PPP6R2: variants seen among roughly 807,000 people sequenced by gnomAD.
PPP6R2 encodes the protein protein phosphatase 6 regulatory subunit 2.
PPP6R2 carries 62 observed loss-of-function variants against 100.2 expected under a neutral mutation model. The ratio of observed to expected loss-of-function variants is 0.62; its 90% CI spans 0.50 to 0.76. The LOEUF (loss-of-function observed/expected upper bound fraction) is 0.76, where lower values mean the gene tolerates loss of function less well. PPP6R2 is among the 30% of genes least tolerant of loss of function. The pLI, the probability that PPP6R2 is intolerant of heterozygous loss-of-function variation, is 0.00. For synonymous variants in PPP6R2, 525 were observed against 514.7 expected (o/e 1.02, Z -0.27); for missense variants, 1,142 against 1,276.3 (o/e 0.89, Z 1.60).
intron 2 of PPP6R2, among the ~76,000 whole-genome samples, chr22:50,376,669 C>A (rs1420706231): frequency 1.3e-5 from 2 of 151,968 alleles, no homozygotes; most frequent in African/African-American, 4.8e-5. Context: ...AGCAATCTGC[C>A]CACCTCGGCC....
At chr22:50,395,831 T>TA (rs545866888) in intron 3 of PPP6R2, among the ~76,000 whole-genome samples, 95 of 149,646 alleles carry the variant, frequency 6.3e-4, no homozygotes, top group African/African-American at 2.3e-3. Context: ...CCTCCCAAAG[T>TA]GCTGGGATTA....
intron 3 of PPP6R2, among the ~76,000 whole-genome samples, chr22:50,396,062 G>T (rs1274515983): frequency 6.6e-6 from 1 of 151,266 alleles, no homozygotes; most frequent in East Asian, 2.0e-4. Context: ...GGGCGTAGTG[G>T]CGCACGCCTG....
At chr22:50,405,274 G>A (rs145123093) in intron 3 of PPP6R2, among the ~76,000 whole-genome samples, 1 of 142,246 alleles carries the variant, frequency 7.0e-6, no homozygotes, top group East Asian at 2.4e-4. Flanking sequence ...AAGAGGCCTG[G>A]CAGGCGAGTG....
the PPP6R2 span, among the ~76,000 whole-genome samples, chr22:50,334,673 A>T: frequency 6.6e-6 from 1 of 152,094 alleles, no homozygotes; most frequent in African/African-American, 2.4e-5. Context: ...ACCAACAAAA[A>T]CACCTGCTGA....
At chr22:50,359,143 G>A (rs1270596148) in intron 1 of PPP6R2, among the ~76,000 whole-genome samples, 1 of 151,518 alleles carries the variant, frequency 6.6e-6, no homozygotes, top group Non-Finnish European at 1.5e-5. Context: ...GGGATTATGG[G>A]CACCAGCCAC....
intron 2 of PPP6R2, among the ~76,000 whole-genome samples, chr22:50,392,268 A>G (rs4075443): frequency 0.36 from 54,731 of 151,324 alleles, 10,455 homozygotes; most frequent in South Asian, 0.61. Flanking sequence ...TTGGGAGGCC[A>G]AGGAGGGCAG....
At chr22:50,441,835 C>T (rs778015580) in intron 22 of PPP6R2, among the ~76,000 whole-genome samples, 2 of 152,096 alleles carry the variant, frequency 1.3e-5, no homozygotes, top group African/African-American at 2.4e-5. Flanking sequence ...GGGGTCAGGG[C>T]GTGGGTTAGC....
At chr22:50,399,793 A>G (rs2149017901) in intron 3 of PPP6R2, among the ~76,000 whole-genome samples, 1 of 152,382 alleles carries the variant, frequency 6.6e-6, no homozygotes, top group African/African-American at 2.4e-5. Context: ...CTGTGACTGT[A>G]AGATGGCTGG....
At chr22:50,387,853 C>T (rs1331293192) in intron 2 of PPP6R2, among the ~76,000 whole-genome samples, 8 of 152,200 alleles carry the variant, frequency 5.3e-5, no homozygotes, top group Admixed American at 2.6e-4. Flanking sequence ...GTGCTGGGAA[C>T]TGTTCTAGAG....
At chr22:50,384,857 C>T (rs757377350) in intron 2 of PPP6R2, among the ~76,000 whole-genome samples, 2 of 152,218 alleles carry the variant, frequency 1.3e-5, no homozygotes. Context: ...CCTCCCACCT[C>T]AGCCTCCTGA....
At chr22:50,385,387 C>CA (rs1220669170) in intron 2 of PPP6R2, among the ~76,000 whole-genome samples, 1 of 151,702 alleles carries the variant, frequency 6.6e-6, no homozygotes, top group African/African-American at 2.4e-5. Flanking sequence ...TTAGTAGAGA[C>CA]AGAGTTTCAC....
the PPP6R2 span, among the ~76,000 whole-genome samples, chr22:50,332,470 T>G: frequency 2.6e-5 from 4 of 152,004 alleles, no homozygotes; most frequent in African/African-American, 9.7e-5. Flanking sequence ...GACCTCGTGA[T>G]CCGCCTGTCT....
chr22:50,361,222 T>G (rs555999778), intron 1 of PPP6R2, among the ~76,000 whole-genome samples: 3 of 152,296 alleles, frequency 2.0e-5, no homozygotes, highest in African/African-American at 7.2e-5. Flanking sequence ...GATAACTCCT[T>G]TTTTTCTTCA....
At chr22:50,371,686 C>G (rs2050253473) in intron 1 of PPP6R2, among the ~76,000 whole-genome samples, 1 of 152,010 alleles carries the variant, frequency 6.6e-6, no homozygotes. Flanking sequence ...GTCACCCAGG[C>G]TGGAGTGCAG....
chr22:50,406,602 C>A, intron 3 of PPP6R2, 87 bp from the exon 4 acceptor site: 3 of 1,298,768 alleles, frequency 2.3e-6, no homozygotes, highest in Non-Finnish European at 3.2e-6. Context: ...CGTGGGTCTG[C>A]TTCCTAAGAA....
upstream of PPP6R2, among the ~76,000 whole-genome samples, chr22:50,341,140 G>T (rs1279012522): frequency 6.6e-6 from 1 of 152,120 alleles, no homozygotes; most frequent in Admixed American, 6.5e-5. Flanking sequence ...TCGATCTCCT[G>T]ACTTCAAATG....
At chr22:50,364,966 G>A (rs1162102379) in intron 1 of PPP6R2, among the ~76,000 whole-genome samples, 2 of 151,790 alleles carry the variant, frequency 1.3e-5, no homozygotes, top group African/African-American at 2.4e-5. Flanking sequence ...ATTAGAAGGT[G>A]GGCATAAAAA....
chr22:50,424,633 C>CTTTTTTTTTTTTTTTTTT (rs71198247), intron 10 of PPP6R2, among the ~76,000 whole-genome samples: 2 of 74,252 alleles, frequency 2.7e-5, no homozygotes, highest in Non-Finnish European at 5.1e-5. Flanking sequence ...CCCTCTTCTT[C>CTTTTTTTTTTTTTTTTTT]TTTTTTTTTT....
In PPP6R2 at chr22:50,444,618, G is replaced by GTTT. The variant is rs34079114; in HGVS notation, c.*379_*381dup. 2 of 199,792 alleles carry GTTT rather than the reference G, an allele frequency of 1.0e-5. No homozygotes were observed. Among genetic ancestry groups the GTTT allele is most frequent in the Non-Finnish European group, 2.0e-5 (2 of 100,664 alleles). 12.4% of individuals were successfully genotyped at this position (199,792 alleles called of 1,614,324 possible). A position where few individuals can be genotyped will look rare whatever the true frequency, so the allele number is the denominator to read the frequency against. ...CGTGGACATGGAGGCTGTTTTTACA[G>GTTT]TTTTTTTTTTGTTGTTGTTTTGTTT... On this transcript the variant is annotated 3_prime_UTR_variant, in exon 24 of 24. Coordinates refer to ENST00000612753, the MANE Select transcript of PPP6R2 (RefSeq NM_001242898.2).
Sources: allele counts gnomAD v4.1 joint callset (sites outside exome capture counted in the v4.1 genomes callset), GRCh38; gene constraint gnomAD v4.1.1; transcripts MANE v1.5; gene names NCBI Gene and HGNC (gene_info 2026-07-23, HGNC 2026-07-21).